CDC42EP3: variants seen among roughly 807,000 people sequenced by gnomAD.
The protein encoded by CDC42EP3 is CDC42 effector protein 3.
A neutral mutation model predicts 15.5 loss-of-function variants in CDC42EP3; 4 were observed. The ratio of observed to expected loss-of-function variants is 0.26; its 90% confidence interval spans 0.13 to 0.59. The LOEUF is 0.59. Ranked by LOEUF, CDC42EP3 falls within the 20% of genes least tolerant of loss-of-function variation. The pLI is 0.89. For synonymous variants in CDC42EP3, 145 were observed against 130.3 expected (o/e 1.11, Z -0.77); for missense variants, 309 against 311.2 (o/e 0.99, Z 0.05).
At chr2:37,656,731 A>G (rs1272068977) in intron 1 of CDC42EP3, among the ~76,000 whole-genome samples, 1 of 152,156 alleles carries the variant, frequency 6.6e-6, no homozygotes, top group African/African-American at 2.4e-5. Context: ...GCCAACCTGA[A>G]GACTATGTAT....
chr2:37,671,856 G>C (rs1572533604), upstream of CDC42EP3: 1 of 151,550 alleles, frequency 6.6e-6, no homozygotes, highest in African/African-American at 2.4e-5. Flanking sequence ...GGAGGACAAT[G>C]GGCGCCCATT....
chr2:37,643,775 A>T lies in CDC42EP3; in HGVS notation c.*2048T>A, dbSNP rs773422854. ...ACTCTTCGTCATTAACAAGATTTAG[A>T]ATAGGCTGGGAAATTTCTCTTTGGA... On this transcript the variant is annotated 3_prime_UTR_variant, in exon 2 of 2. Transcript: ENST00000295324. 1.3e-5 allele frequency: 2 copies of T among 152,198 alleles called. No homozygotes were observed. Among genetic ancestry groups the T allele is most frequent in the Non-Finnish European group, 2.9e-5 (2 of 68,040 alleles). The allele number at this position is 152,198 out of a possible 1,614,324, so 9.4% of individuals were successfully genotyped here.
chr2:37,672,178 A>G (rs1459051267), upstream of CDC42EP3: 2 of 151,914 alleles, frequency 1.3e-5, no homozygotes, highest in South Asian at 2.1e-4. Flanking sequence ...GGTCCCTCTC[A>G]GCCCGGGCTC....
Position 37,645,795 on chromosome 2 carries a change from A to T in CDC42EP3, c.*28T>A. 1 of 1,504,660 alleles carries T rather than the reference A, an allele frequency of 6.6e-7. No individual in the cohort carries two copies. The highest frequency in any genetic ancestry group is 8.9e-7 in the Non-Finnish European group (1 of 1,127,064). 93.2% of individuals were successfully genotyped at this position (1,504,660 alleles called of 1,614,324 possible). ...TGGTTAGTTTGTTTTTGTACCTTTT[A>T]CCCCAAAGGAAAAAAGTTGGCATCT... On this transcript the variant is annotated 3_prime_UTR_variant, in exon 2 of 2. Transcript: ENST00000295324.
Position 37,645,043 on chromosome 2 carries a change from C to CTAAG in CDC42EP3, c.*776_*779dup, listed in dbSNP as rs1665405951. 6.6e-6 allele frequency: 1 copy of CTAAG among 152,090 alleles called. No homozygotes were observed. Among genetic ancestry groups the CTAAG allele is most frequent in the African/African-American group, 2.4e-5 (1 of 41,446 alleles). 9.4% of individuals were successfully genotyped at this position (152,090 alleles called of 1,614,324 possible). A position where few individuals can be genotyped will look rare whatever the true frequency, so the allele number is the denominator to read the frequency against. On this transcript the variant is annotated 3_prime_UTR_variant, in exon 2 of 2. Transcript: ENST00000295324. ...ATGATAACAGATGAAGAAAAAAAAACTAAGTATGAATACACTTTTCCAAAC... is the reference window on the plus strand; with the variant it reads ...ATGATAACAGATGAAGAAAAAAAAACTAAGTAAGTATGAATACACTTTTCCAAAC...
intron 1 of CDC42EP3, among the ~76,000 whole-genome samples, chr2:37,664,304 T>G (rs1167547899): frequency 6.6e-6 from 1 of 152,172 alleles, no homozygotes; most frequent in Non-Finnish European, 1.5e-5. Context: ...AGTTCTTCAG[T>G]TTTTGGACCT....
Position 37,644,241 on chromosome 2 carries a change from G to C in CDC42EP3, c.*1582C>G, listed in dbSNP as rs1252659080. 1 of 152,174 alleles carries C rather than the reference G, an allele frequency of 6.6e-6. No individual in the cohort carries two copies. The highest frequency in any genetic ancestry group is 1.5e-5 in the Non-Finnish European group (1 of 68,032). 9.4% of individuals were successfully genotyped at this position (152,174 alleles called of 1,614,324 possible). A position where few individuals can be genotyped will look rare whatever the true frequency, so the allele number is the denominator to read the frequency against. On this transcript the variant is annotated 3_prime_UTR_variant, in exon 2 of 2. Transcript: ENST00000295324. ...ACCCAAAGAAAGAATCGTTGAAGTG[G>C]TTGGGAGAGGAGGTCATTTCTGAGA...
intron 1 of CDC42EP3, among the ~76,000 whole-genome samples, chr2:37,648,138 T>C (rs975549110): frequency 3.9e-5 from 6 of 152,244 alleles, no homozygotes; most frequent in Admixed American, 2.0e-4. Context: ...TGTAATGTGC[T>C]CTTTTGCCAA....
At chr2:37,660,465 C>T (rs191609404) in intron 1 of CDC42EP3, among the ~76,000 whole-genome samples, 2 of 152,334 alleles carry the variant, frequency 1.3e-5, no homozygotes, top group African/African-American at 4.8e-5. Context: ...AAAATTACAA[C>T]AACTGCTATA....
chr2:37,650,921 G>A (rs925753981), intron 1 of CDC42EP3, among the ~76,000 whole-genome samples: 3 of 152,086 alleles, frequency 2.0e-5, no homozygotes, highest in African/African-American at 7.2e-5. Context: ...GCACTTATAG[G>A]GATTTACCCA....
At chr2:37,668,417 A>T (rs1441170434) in intron 1 of CDC42EP3, among the ~76,000 whole-genome samples, 1 of 152,224 alleles carries the variant, frequency 6.6e-6, no homozygotes, top group Non-Finnish European at 1.5e-5. Context: ...TTTAATCCTC[A>T]GGGAAATAAT....
At chr2:37,656,878 C>T (rs1218267598) in intron 1 of CDC42EP3, among the ~76,000 whole-genome samples, 1 of 151,728 alleles carries the variant, frequency 6.6e-6, no homozygotes, top group African/African-American at 2.4e-5. Context: ...CCATCTCTAA[C>T]TCACTAGGAC....
chr2:37,661,756 GAA>G (rs1244621991), intron 1 of CDC42EP3, among the ~76,000 whole-genome samples: 1 of 152,112 alleles, frequency 6.6e-6, no homozygotes, highest in Non-Finnish European at 1.5e-5. Context: ...ATGTATGAGA[GAA>G]GAGAAAAAAC....
intron 1 of CDC42EP3, among the ~76,000 whole-genome samples, chr2:37,658,323 T>C (rs1665948650): frequency 6.6e-6 from 1 of 152,220 alleles, no homozygotes; most frequent in Non-Finnish European, 1.5e-5. Flanking sequence ...TCTTACTGAA[T>C]AGGCTATTGA....
At chr2:37,654,994 C>A (rs1196266115) in intron 1 of CDC42EP3, among the ~76,000 whole-genome samples, 1 of 152,202 alleles carries the variant, frequency 6.6e-6, no homozygotes, top group Non-Finnish European at 1.5e-5. Flanking sequence ...ACCAGAAGCA[C>A]CCAGTAACCC....
At chr2:37,659,892 G>A (rs188703461) in intron 1 of CDC42EP3, among the ~76,000 whole-genome samples, 3 of 152,260 alleles carry the variant, frequency 2.0e-5, no homozygotes, top group Non-Finnish European at 2.9e-5. Context: ...ATGAAACACC[G>A]ACTGTACGGG....
chr2:37,671,361 G>A (rs1666412920), intron 1 of CDC42EP3, 65 bp downstream of exon 1: 1 of 152,364 alleles, frequency 6.6e-6, no homozygotes, highest in East Asian at 1.9e-4. Flanking sequence ...AAGCGGCCAC[G>A]GCCGCGGGCG....
chr2:37,660,460 TACA>T (rs1010121323), intron 1 of CDC42EP3, among the ~76,000 whole-genome samples: 6 of 152,330 alleles, frequency 3.9e-5, no homozygotes, highest in Admixed American at 1.3e-4. Context: ...TTGGGAAAAT[TACA>T]ACAACTGCTA....
chr2:37,649,977 T>C (rs1665612990), intron 1 of CDC42EP3, among the ~76,000 whole-genome samples: 1 of 152,206 alleles, frequency 6.6e-6, no homozygotes, highest in Admixed American at 6.5e-5. Flanking sequence ...GGGCATAGGC[T>C]TCTAGGACTA....
Sources: allele counts gnomAD v4.1 joint callset (sites outside exome capture counted in the v4.1 genomes callset), GRCh38; gene constraint gnomAD v4.1.1; transcripts MANE v1.5; gene names NCBI Gene and HGNC (gene_info 2026-07-23, HGNC 2026-07-21).